Variants in SULF2 observed in about 807,000 individuals in gnomAD.
SULF2 encodes the protein sulfatase 2.
A neutral mutation model predicts 107.7 loss-of-function variants in SULF2; 52 were observed. The ratio of observed to expected loss-of-function variants is 0.48; its 90% CI spans 0.39 to 0.61. The LOEUF is 0.61. Ranked by LOEUF, SULF2 falls within the 20% of genes least tolerant of loss-of-function variation. SULF2 has a pLI of 0.00. For synonymous variants in SULF2, 460 were observed against 464.3 expected (o/e 0.99, Z 0.12); for missense variants, 993 against 1,177.3 (o/e 0.84, Z 2.29).
chr20:47,764,749 C>T (rs1174037216), intron 1 of SULF2, among the ~76,000 whole-genome samples: 1 of 152,184 alleles, frequency 6.6e-6, no homozygotes, highest in East Asian at 1.9e-4. Context: ...CCCTTTGCTG[C>T]TTAAGAGAGT....
intron 2 of SULF2, among the ~76,000 whole-genome samples, chr20:47,748,134 C>T (rs1323183681): frequency 6.6e-6 from 1 of 152,240 alleles, no homozygotes; most frequent in Admixed American, 6.5e-5. Flanking sequence ...GACCCTGCTG[C>T]ATGGCCTGCT....
intron 11 of SULF2, among the ~76,000 whole-genome samples, chr20:47,671,196 GTCCTC>G (rs1267596339): frequency 6.6e-6 from 1 of 152,236 alleles, no homozygotes; most frequent in Non-Finnish European, 1.5e-5. Context: ...CTGTCTGACT[GTCCTC>G]TCCTCGGCCC....
At chr20:47,758,306 A>T (rs1334546276) in intron 1 of SULF2, among the ~76,000 whole-genome samples, 1 of 151,314 alleles carries the variant, frequency 6.6e-6, no homozygotes, top group Non-Finnish European at 1.5e-5. Flanking sequence ...AGAAGCTGGG[A>T]TTACAGGCGC....
At chr20:47,771,117 G>A (rs1380584591) in intron 1 of SULF2, among the ~76,000 whole-genome samples, 1 of 152,174 alleles carries the variant, frequency 6.6e-6, no homozygotes, top group African/African-American at 2.4e-5. Flanking sequence ...GGCCTCCCCT[G>A]CAGTACATCC....
At chr20:47,750,231 T>C (rs2090131627) in intron 2 of SULF2, among the ~76,000 whole-genome samples, 1 of 152,190 alleles carries the variant, frequency 6.6e-6, no homozygotes, top group Non-Finnish European at 1.5e-5. Context: ...CCGCGTGCCT[T>C]GGCCTCCCAA....
intron 17 of SULF2, among the ~76,000 whole-genome samples, chr20:47,662,213 T>C (rs2087100202): frequency 6.6e-6 from 1 of 152,208 alleles, no homozygotes; most frequent in Non-Finnish European, 1.5e-5. Context: ...CTTCCAAGTC[T>C]TGGTTTTATC....
intron 3 of SULF2, among the ~76,000 whole-genome samples, chr20:47,716,651 A>G (rs991584866): frequency 1.3e-5 from 2 of 152,306 alleles, no homozygotes; most frequent in African/African-American, 2.4e-5. Context: ...TTGGCATTCA[A>G]TCTGCTGAGA....
At position 47,666,362 on chromosome 20, in the gene SULF2, G is replaced by T; in HGVS notation, c.1703C>A (p.Pro568Gln). Reference sequence around the variant, plus strand: ...GTCATCTTGGTCCTCAGGGGCCCCTGGCCAGTGCCGCTTGGTGAGGTTTCG... The same window carrying T: ...GTCATCTTGGTCCTCAGGGGCCCCTTGCCAGTGCCGCTTGGTGAGGTTTCG... Reference protein sequence around the residue: ...QPRNLTKRHWPGAPEDQDDKD... With the variant: ...QPRNLTKRHWQGAPEDQDDKD... The change falls in exon 12 of 21, where the codon CCA (proline) becomes CAA (glutamine). Residue 568 changes from proline (P) to glutamine (Q), a missense_variant. Coordinates refer to ENST00000688720, the MANE Select transcript of SULF2 (RefSeq NM_001387048.1). This position sits in a 1 kb window ranked among gnomAD's most constrained non-coding sequence, Gnocchi z 5.4. 1.2e-6 allele frequency: 2 copies of T among 1,614,208 alleles called. No homozygotes were observed. Among genetic ancestry groups the T allele is most frequent in the Non-Finnish European group, 1.7e-6 (2 of 1,180,062 alleles).
intron 3 of SULF2, among the ~76,000 whole-genome samples, chr20:47,704,106 G>T (rs1453419033): frequency 6.6e-6 from 1 of 152,076 alleles, no homozygotes; most frequent in East Asian, 1.9e-4. Flanking sequence ...CACCTCATTG[G>T]CCTGGAGATT....
At chr20:47,734,957 T>C (rs767488578) in intron 3 of SULF2, among the ~76,000 whole-genome samples, 3 of 152,246 alleles carry the variant, frequency 2.0e-5, no homozygotes, top group Non-Finnish European at 4.4e-5. Flanking sequence ...GATTTTCTCA[T>C]GTCGCCTGTA....
intron 3 of SULF2, among the ~76,000 whole-genome samples, chr20:47,711,733 A>C (rs548194986): frequency 2.6e-5 from 4 of 152,360 alleles, no homozygotes; most frequent in Non-Finnish European, 5.9e-5. Context: ...TTGTCCTCAT[A>C]TTTTGGAACC....
chr20:47,677,098 G>GT lies in SULF2; in HGVS notation c.1229dup (p.Asp410GlufsTer17). The stretch of plus-strand genomic sequence containing the variant: ...CTCACCCTCTCTCCACCAAGAAGGA[G>GT]TCCCGCCAGACCCTCATCTTCTTTT... On this transcript the variant is annotated frameshift_variant, in exon 9 of 21. Coordinates refer to ENST00000688720, the MANE Select transcript of SULF2 (RefSeq NM_001387048.1). LOFTEE classifies it high-confidence loss of function. The GT allele has an allele frequency of 6.2e-7, 1 of 1,613,372 alleles. No homozygotes were observed. Among genetic ancestry groups the GT allele is most frequent in the South Asian group, 1.1e-5 (1 of 91,040 alleles).
chr20:47,749,985 G>A (rs2090126315), intron 2 of SULF2, among the ~76,000 whole-genome samples: 1 of 152,154 alleles, frequency 6.6e-6, no homozygotes, highest in Non-Finnish European at 1.5e-5. Context: ...TTTATTTATT[G>A]ATTTATTGAT....
chr20:47,764,511 T>C (rs2090487072), intron 1 of SULF2, among the ~76,000 whole-genome samples: 1 of 152,182 alleles, frequency 6.6e-6, no homozygotes, highest in African/African-American at 2.4e-5. Flanking sequence ...CAATCAGCAA[T>C]TCCAGCTCTA....
At chr20:47,659,960 C>A (rs893732662) in intron 18 of SULF2, among the ~76,000 whole-genome samples, 3 of 152,192 alleles carry the variant, frequency 2.0e-5, no homozygotes, top group African/African-American at 7.2e-5. Context: ...TCACCATGAT[C>A]AGTTTCAGGA....
At chr20:47,669,960 A>G (rs2087407077) in intron 11 of SULF2, among the ~76,000 whole-genome samples, 2 of 152,208 alleles carry the variant, frequency 1.3e-5, no homozygotes, top group African/African-American at 4.8e-5. Flanking sequence ...TTCAGCTAGA[A>G]AAGTTAATGT....
intron 1 of SULF2, among the ~76,000 whole-genome samples, chr20:47,768,715 C>A (rs2090570800): frequency 6.6e-6 from 1 of 152,230 alleles, no homozygotes; most frequent in Non-Finnish European, 1.5e-5. Flanking sequence ...CTGGACCTGA[C>A]TCGGCCACCC....
At chr20:47,672,042 A>T (rs969267031) in intron 11 of SULF2, among the ~76,000 whole-genome samples, 156 bp downstream of exon 11, 10 of 152,114 alleles carry the variant, frequency 6.6e-5, no homozygotes, top group South Asian at 2.1e-4. Flanking sequence ...CCCCACTAGA[A>T]TGGGTGGCTC....
intron 4 of SULF2, among the ~76,000 whole-genome samples, chr20:47,691,841 G>A (rs1162694109): frequency 2.0e-5 from 3 of 152,330 alleles, no homozygotes; most frequent in East Asian, 3.9e-4. Flanking sequence ...GCCAGAACTG[G>A]AGGCTTTAAA....
Sources: gnomAD v4.1 joint callset for allele counts (sites outside exome capture counted in the v4.1 genomes callset) on GRCh38, gnomAD v4.1.1 for gene constraint, Gnocchi (gnomAD v3.1) non-coding constraint, MANE v1.5 for transcripts, NCBI Gene and HGNC (gene_info 2026-07-23, HGNC 2026-07-21) for gene names.